COL28A1: variants seen among roughly 807,000 people sequenced by gnomAD.
COL28A1 encodes collagen alpha-1(XXVIII) chain.
In COL28A1, 161 loss-of-function variants were observed where a neutral mutation model predicts 150.2. The observed-to-expected ratio is 1.07, with a 90% CI of 0.94 to 1.22. COL28A1 has a LOEUF of 1.22. Ranked by LOEUF, COL28A1 falls within the 50% of genes most tolerant of loss-of-function variation. The pLI is 0.00. For synonymous variants in COL28A1, 552 were observed against 469.7 expected, an observed-to-expected ratio of 1.18 and a Z score of -2.26; for missense variants, 1,617 against 1,388.3, an observed-to-expected ratio of 1.16 and a Z score of -2.62.
intron 30 of COL28A1, among the ~76,000 whole-genome samples, chr7:7,379,947 C>A (rs191411846): frequency 6.6e-6 from 1 of 152,286 alleles, no homozygotes; most frequent in Non-Finnish European, 1.5e-5. Flanking sequence ...CCTTCACCAC[C>A]TGAACTGCCA....
chr7:7,540,997 G>GT, the COL28A1 span, among the ~76,000 whole-genome samples: 1 of 152,230 alleles, frequency 6.6e-6, no homozygotes, highest in Non-Finnish European at 1.5e-5. Flanking sequence ...ACCTACTTGG[G>GT]TTTTCTGGTC....
chr7:7,407,586 A>G (rs1783556817), intron 27 of COL28A1, among the ~76,000 whole-genome samples: 1 of 152,090 alleles, frequency 6.6e-6, no homozygotes, highest in Admixed American at 6.6e-5. Flanking sequence ...TCTTAGGAAA[A>G]TATCTTTTAA....
At chr7:7,389,123 A>T (rs1330977251) in intron 27 of COL28A1, among the ~76,000 whole-genome samples, 1 of 151,736 alleles carries the variant, frequency 6.6e-6, no homozygotes, top group Non-Finnish European at 1.5e-5. Flanking sequence ...GTTTTTTTTT[A>T]AGGTTTTAGG....
At chr7:7,346,249 C>A in the COL28A1 span, among the ~76,000 whole-genome samples, 1 of 151,712 alleles carries the variant, frequency 6.6e-6, no homozygotes, top group Admixed American at 6.6e-5. Context: ...TTTCAGAGAT[C>A]TTTTAAGAAA....
chr7:7,510,730 A>G (rs1444091063), intron 9 of COL28A1, among the ~76,000 whole-genome samples: 1 of 152,206 alleles, frequency 6.6e-6, no homozygotes, highest in Non-Finnish European at 1.5e-5. Context: ...ACTATTTTGG[A>G]AAGTGCCTGT....
intron 27 of COL28A1, among the ~76,000 whole-genome samples, chr7:7,389,314 T>C (rs546144369): frequency 6.6e-6 from 1 of 152,146 alleles, no homozygotes; most frequent in Admixed American, 6.5e-5. Flanking sequence ...TGTAGATGTA[T>C]AGTGTTATTT....
chr7:7,489,517 G>C, intron 12 of COL28A1, 60 bp from the exon 13 acceptor site: 1 of 867,384 alleles, frequency 1.2e-6, no homozygotes, highest in Non-Finnish European at 2.0e-6. Flanking sequence ...TAAACATAGC[G>C]CAAAGTTCTC....
intron 18 of COL28A1, among the ~76,000 whole-genome samples, chr7:7,450,960 T>C (rs971636230): frequency 6.6e-6 from 1 of 152,100 alleles, no homozygotes; most frequent in Non-Finnish European, 1.5e-5. Flanking sequence ...AAAAGTGATA[T>C]ATGGTTTATG....
At chr7:7,372,025 G>A (rs1781252349) in intron 32 of COL28A1, among the ~76,000 whole-genome samples, 1 of 151,878 alleles carries the variant, frequency 6.6e-6, no homozygotes. Context: ...TAGAGACGAG[G>A]TTTCACCATG....
intron 3 of COL28A1, among the ~76,000 whole-genome samples, chr7:7,526,208 C>T (rs1271054279): frequency 6.6e-6 from 1 of 152,212 alleles, no homozygotes; most frequent in Non-Finnish European, 1.5e-5. Context: ...TCTAGACATA[C>T]CACAGGGAAA....
At chr7:7,471,125 T>TTAA (rs1243089855) in intron 15 of COL28A1, among the ~76,000 whole-genome samples, 1 of 88,524 alleles carries the variant, frequency 1.1e-5, no homozygotes, top group South Asian at 3.7e-4. Context: ...AAAAAATAAT[T>TTAA]AAAAAAAAAA....
rs1780446415 is a variant in COL28A1, at chr7:7,358,460, CTA to C, written c.*171_*172del. The C allele has an allele frequency of 1.8e-6, 1 of 550,540 alleles. No individual in the cohort carries two copies. The highest frequency in any genetic ancestry group is 2.0e-5 in the African/African-American group (1 of 51,240). The allele number at this position is 550,540 out of a possible 1,614,324, so 34.1% of individuals were successfully genotyped here. A position where few individuals can be genotyped will look rare whatever the true frequency, so the allele number is the denominator to read the frequency against. On this transcript the variant is annotated 3_prime_UTR_variant, in exon 35 of 35. Transcript: ENST00000399429. ...CTTCTCAGAGCCTCAGCTTTCTTAC[CTA>C]TATAAGTGGTTAATAATATGTACAT...
intron 5 of COL28A1, among the ~76,000 whole-genome samples, chr7:7,521,116 G>C (rs764968019): frequency 1.3e-5 from 2 of 152,124 alleles, no homozygotes; most frequent in Non-Finnish European, 2.9e-5. Context: ...TGCATTTTGT[G>C]AGATTCTCCA....
intron 2 of COL28A1, among the ~76,000 whole-genome samples, chr7:7,532,513 T>C (rs1214359611): frequency 2.0e-5 from 3 of 152,102 alleles, no homozygotes; most frequent in African/African-American, 7.2e-5. Context: ...CCGTCCTGCC[T>C]ATTTTACAAG....
At chr7:7,503,079 G>A (rs910677100) in intron 11 of COL28A1, among the ~76,000 whole-genome samples, 8 of 152,132 alleles carry the variant, frequency 5.3e-5, no homozygotes, top group African/African-American at 1.7e-4. Context: ...TCCACCAGAA[G>A]GGAAGACAGA....
chr7:7,338,681 C>T, the COL28A1 span, among the ~76,000 whole-genome samples: 6 of 152,038 alleles, frequency 3.9e-5, no homozygotes, highest in African/African-American at 1.4e-4. Context: ...CTTTTACTTC[C>T]TTCTCTTGCC....
At chr7:7,374,038 A>AAAAAATATAT in intron 31 of COL28A1, among the ~76,000 whole-genome samples, 25 of 113,616 alleles carry the variant, frequency 2.2e-4, no homozygotes, top group African/African-American at 8.0e-4. Flanking sequence ...AAAAAAAAAA[A>AAAAAATATAT]ATATATATAT....
intron 8 of COL28A1, among the ~76,000 whole-genome samples, chr7:7,515,508 G>A (rs939295235): frequency 6.6e-6 from 1 of 152,170 alleles, no homozygotes; most frequent in African/African-American, 2.4e-5. Context: ...ATCTGTTTGT[G>A]TAAAGAAACT....
At chr7:7,387,935 G>C (rs1224588186) in intron 27 of COL28A1, among the ~76,000 whole-genome samples, 1 of 152,106 alleles carries the variant, frequency 6.6e-6, no homozygotes, top group Non-Finnish European at 1.5e-5. Flanking sequence ...CGCAGAAACA[G>C]CTTCTGCTGT....
Sources: allele counts gnomAD v4.1 joint callset (sites outside exome capture counted in the v4.1 genomes callset), GRCh38; gene constraint gnomAD v4.1.1; transcripts MANE v1.5; gene names NCBI Gene and HGNC (gene_info 2026-07-23, HGNC 2026-07-21).